The following TANC2 variants were observed in gnomAD, a reference collection of about 807,000 sequenced individuals.
TANC2 encodes the protein protein TANC2.
Under a neutral mutation model 210.5 loss-of-function variants are expected in TANC2, and 26 were observed. The observed-to-expected ratio is 0.12, with a 90% CI of 0.09 to 0.17. TANC2 has a LOEUF of 0.17. Among genes scored for constraint, TANC2 ranks in the 10% least tolerant of loss-of-function variants. TANC2 has a pLI of 1.00. For missense variants in TANC2, 2,129 were observed against 2,608.9 expected (o/e 0.82, Z 4.01); for synonymous variants, 931 against 967.1 (o/e 0.96, Z 0.69).
intron 2 of TANC2, among the ~76,000 whole-genome samples, chr17:63,036,193 T>G (rs2034965565): frequency 6.6e-6 from 1 of 151,658 alleles, no homozygotes; most frequent in African/African-American, 2.4e-5. Flanking sequence ...TGCTATCATA[T>G]TTAAAAACTC....
At position 63,390,406 on chromosome 17, in the gene TANC2, T is replaced by C. The variant is rs1187672540; in HGVS notation, c.3051+862T>C. 4 of 152,364 alleles carry C rather than the reference T, an allele frequency of 2.6e-5. No homozygotes were observed. In the East Asian group the frequency reaches 7.7e-4, roughly 29 times the overall value. The allele number at this position is 152,364 out of a possible 1,614,324, so 9.4% of individuals were successfully genotyped here. On this transcript the variant is annotated intron_variant, in intron 17 of 27. Coordinates refer to ENST00000689528, the Ensembl canonical transcript of TANC2. ...ATGACATCTCAGAGCCTTAGAAGTTTACTGTAGCACAGTGATTGTGCACCT... is the reference window on the plus strand; with the variant it reads ...ATGACATCTCAGAGCCTTAGAAGTTCACTGTAGCACAGTGATTGTGCACCT...
intron 14 of TANC2, among the ~76,000 whole-genome samples, chr17:63,373,689 T>G (rs2047338159): frequency 6.6e-6 from 1 of 152,156 alleles, no homozygotes. Flanking sequence ...TAAAAATTAT[T>G]AAAGTATTTT....
intron 14 of TANC2, among the ~76,000 whole-genome samples, chr17:63,361,291 C>T (rs1295854976): frequency 1.3e-5 from 2 of 152,200 alleles, no homozygotes; most frequent in Non-Finnish European, 2.9e-5. Flanking sequence ...ATCGTTCTGC[C>T]TACTCAGCTC....
chr17:63,352,837 C>G (rs1045352379), intron 13 of TANC2, among the ~76,000 whole-genome samples: 1 of 152,164 alleles, frequency 6.6e-6, no homozygotes, highest in East Asian at 1.9e-4. Context: ...AGGGACTGTT[C>G]TAGGGGCTGG....
intron 9 of TANC2, among the ~76,000 whole-genome samples, chr17:63,283,012 G>A (rs979593086): frequency 1.3e-5 from 2 of 151,924 alleles, no homozygotes; most frequent in Non-Finnish European, 1.5e-5. Flanking sequence ...TTTTAGTGTC[G>A]TGTTTAAGAT....
intron 15 of TANC2, among the ~76,000 whole-genome samples, chr17:63,383,671 T>C (rs1339402321): frequency 4.6e-5 from 7 of 152,212 alleles, no homozygotes; most frequent in Non-Finnish European, 1.0e-4. Flanking sequence ...CTATAAACAC[T>C]AAGAGGCAGG....
intron 13 of TANC2, among the ~76,000 whole-genome samples, chr17:63,352,974 A>G (rs1287229360): frequency 6.6e-6 from 1 of 152,162 alleles, no homozygotes; most frequent in Non-Finnish European, 1.5e-5. Context: ...GTTGAGTGCT[A>G]TGAAGAAAAA....
chr17:63,064,941 ATTATTTAC>A (rs2036143037), intron 2 of TANC2, among the ~76,000 whole-genome samples: 1 of 151,822 alleles, frequency 6.6e-6, no homozygotes, highest in Admixed American at 6.6e-5. Context: ...GCAGTGCACT[ATTATTTAC>A]TATAGTCACC....
chr17:63,138,555 C>T (rs192930536), intron 4 of TANC2, among the ~76,000 whole-genome samples: 1 of 152,136 alleles, frequency 6.6e-6, no homozygotes, highest in Non-Finnish European at 1.5e-5. Context: ...TGTGTACTTG[C>T]ATATCCTGTC....
intron 2 of TANC2, among the ~76,000 whole-genome samples, chr17:63,073,416 T>G (rs2144652350): frequency 6.6e-6 from 1 of 152,246 alleles, no homozygotes; most frequent in East Asian, 1.9e-4. Flanking sequence ...CTATATAATT[T>G]TAAAAATCAT....
rs750322818 is a variant in TANC2 at position 63,412,172 on chromosome 17, G to A, written c.3898+42G>A. 2.5e-6 allele frequency: 4 copies of A among 1,613,324 alleles called. No homozygotes were observed. The highest frequency in any genetic ancestry group is 2.5e-6 in the Non-Finnish European group (3 of 1,179,640). On this transcript the variant is annotated intron_variant, in intron 23 of 27. Transcript: ENST00000689528. The surrounding 1 kb of genome is among the most constrained non-coding windows in gnomAD (Gnocchi z 4.2). ...GGATGTTGGCCATCTGTGCCCAGGGGCCAGACTGGTCCAGTGGTCTGGCTG... is the reference window on the plus strand; with the variant it reads ...GGATGTTGGCCATCTGTGCCCAGGGACCAGACTGGTCCAGTGGTCTGGCTG...
At chr17:63,018,739 G>A (rs962196708) in intron 2 of TANC2, among the ~76,000 whole-genome samples, 1 of 152,060 alleles carries the variant, frequency 6.6e-6, no homozygotes, top group Non-Finnish European at 1.5e-5. Context: ...GTTAACCCCT[G>A]ATAATAACTG....
At chr17:63,389,401 G>A (rs760301830) in exon 17 of TANC2, 1 of 1,613,978 alleles carries the variant, frequency 6.2e-7, no homozygotes, top group Admixed American at 1.7e-5. Flanking sequence ...GTCCCATCTT[G>A]GTTACACAGA....
chr17:63,037,519 A>G (rs2035019183), intron 2 of TANC2, among the ~76,000 whole-genome samples: 1 of 151,382 alleles, frequency 6.6e-6, no homozygotes. Flanking sequence ...TATTTAAAAC[A>G]TATATATATA....
chr17:63,419,902 C>A (rs1259817498), intron 27 of TANC2, 97 bp from the exon 28 acceptor site: 10 of 1,391,258 alleles, frequency 7.2e-6, no homozygotes, highest in Non-Finnish European at 9.5e-6. Flanking sequence ...ACAGACGCCA[C>A]CACAGCTCTC....
intron 2 of TANC2, among the ~76,000 whole-genome samples, chr17:63,023,076 TG>T (rs984589031): frequency 2.6e-5 from 4 of 152,216 alleles, no homozygotes; most frequent in African/African-American, 7.2e-5. Flanking sequence ...AAACTTGCCA[TG>T]GGGTGGAGCC....
intron 1 of TANC2, among the ~76,000 whole-genome samples, chr17:62,992,822 C>A (rs989104491): frequency 6.6e-6 from 1 of 152,186 alleles, no homozygotes; most frequent in African/African-American, 2.4e-5. Flanking sequence ...CAAATTTCCA[C>A]AAATTTAGTG....
chr17:62,972,091 G>A (rs2031730262), intron 1 of TANC2, among the ~76,000 whole-genome samples: 1 of 152,036 alleles, frequency 6.6e-6, no homozygotes, highest in Admixed American at 6.6e-5. Context: ...AAACTTTCTG[G>A]GACCTTTTTT....
At chr17:63,109,566 G>T (rs2037955539) in intron 4 of TANC2, among the ~76,000 whole-genome samples, 2 of 151,622 alleles carry the variant, frequency 1.3e-5, no homozygotes, top group African/African-American at 4.9e-5. Context: ...TTTTACAGGC[G>T]AGTTTTAGCT....
Sources: allele counts gnomAD v4.1 joint callset (sites outside exome capture counted in the v4.1 genomes callset), GRCh38; gene constraint gnomAD v4.1.1; non-coding constraint Gnocchi (gnomAD v3.1); transcripts MANE v1.5; gene names NCBI Gene and HGNC (gene_info 2026-07-23, HGNC 2026-07-21).